Variants in DPH5 observed in about 807,000 individuals in gnomAD.
DPH5 encodes diphthine methyl ester synthase.
Under a neutral mutation model 31.6 loss-of-function variants are expected in DPH5, and 31 were observed. The observed-to-expected ratio is 0.98, with a 90% CI of 0.74 to 1.32. The LOEUF is 1.32. DPH5 is among the 40% of genes most tolerant of loss of function. The probability of loss-of-function intolerance (pLI) is 0.00; values close to 1 mark genes in which losing one functional copy is unlikely to be tolerated. For synonymous variants in DPH5, 120 were observed against 115.0 expected, an observed-to-expected ratio of 1.04 and a Z score of -0.28; for missense variants, 309 against 335.7, an observed-to-expected ratio of 0.92 and a Z score of 0.62.
In DPH5 at chr1:100,992,833, C is replaced by A. The variant is rs995206904; in HGVS notation, c.531-93G>T. On this transcript the variant is annotated intron_variant, in intron 6 of 7. Transcript: ENST00000370109. Reference sequence around the variant, plus strand: ...TAGCTCTCCCAGGTATACTCAAGTACCACAGTCTACATTCTGTTTGATGTT... The same window carrying A: ...TAGCTCTCCCAGGTATACTCAAGTAACACAGTCTACATTCTGTTTGATGTT... The A allele has an allele frequency of 6.5e-6, 5 of 767,962 alleles. No individual in the cohort carries two copies. In the African/African-American group the frequency reaches 8.6e-5, roughly 13 times the overall value. 47.6% of individuals were successfully genotyped at this position (767,962 alleles called of 1,614,324 possible).
intron 4 of DPH5, among the ~76,000 whole-genome samples, chr1:101,008,444 A>G (rs900739084): frequency 6.6e-6 from 1 of 152,268 alleles, no homozygotes; most frequent in African/African-American, 2.4e-5. Context: ...TCCAGAGAAG[A>G]TGACGCCTTA....
Position 101,025,727 on chromosome 1 carries a change from T to G in DPH5, c.-68A>C. 2.7e-6 allele frequency: 1 copy of G among 364,476 alleles called. No homozygotes were observed. Among genetic ancestry groups the G allele is most frequent in the Non-Finnish European group, 5.0e-6 (1 of 199,376 alleles). 22.6% of individuals were successfully genotyped at this position (364,476 alleles called of 1,614,324 possible). A position where few individuals can be genotyped will look rare whatever the true frequency, so the allele number is the denominator to read the frequency against. On this transcript the variant is annotated 5_prime_UTR_variant, in exon 1 of 8. Transcript: ENST00000370109. ...TAGTTCTCTGGCCTTTACAAATTCT[T>G]AACTACCACCTTTCCGCAGAAGCAA...
At chr1:101,025,622 G>A (rs1660772300) in intron 1 of DPH5, 61 bp downstream of exon 1, 2 of 709,138 alleles carry the variant, frequency 2.8e-6, no homozygotes, top group East Asian at 2.8e-5. Flanking sequence ...TGGGATAAGA[G>A]GTTTTAAACA....
chr1:101,012,612 G>C (rs376805399), intron 4 of DPH5, among the ~76,000 whole-genome samples: 8 of 152,070 alleles, frequency 5.3e-5, no homozygotes, highest in South Asian at 2.1e-4. Context: ...TGTTCAGAAG[G>C]GTTTCAAAAT....
chr1:101,009,126 C>G (rs1659455284), intron 4 of DPH5, among the ~76,000 whole-genome samples: 2 of 152,124 alleles, frequency 1.3e-5, no homozygotes, highest in Non-Finnish European at 2.9e-5. Context: ...TAACTCTTCC[C>G]AAGACATTAG....
In DPH5 at chr1:100,993,598, A is replaced by ATATATATATATG. The variant is rs71084858; in HGVS notation, c.531-859_531-858insCATATATATATA. ...TATATATATATATATATATATATAT[A>ATATATATATATG]GCTATTGTGGCTTACAACACAGTTC... is the stretch of plus-strand genomic sequence containing the variant. On this transcript the variant is annotated intron_variant, in intron 6 of 7. Transcript: ENST00000370109. 7.8e-5 allele frequency among the ~76,000 whole-genome samples: 10 copies of ATATATATATATG among 128,236 alleles called. No individual in the cohort carries two copies. The East Asian group carries it at 2.0e-3, about 26-fold the overall frequency. 84.1% of individuals were successfully genotyped at this position (128,236 alleles called of 152,430 possible).
At chr1:100,991,674 A>G (rs1657725165) in intron 7 of DPH5, among the ~76,000 whole-genome samples, 1 of 150,484 alleles carries the variant, frequency 6.6e-6, no homozygotes, top group South Asian at 2.1e-4. Context: ...CTGTAGTCCC[A>G]GCTACTCAAG....
chr1:101,021,562 G>T, intron 3 of DPH5, 79 bp downstream of exon 3: 1 of 1,447,214 alleles, frequency 6.9e-7, no homozygotes, highest in Non-Finnish European at 9.4e-7. Flanking sequence ...AGGTAAAAGT[G>T]TTAAATGCAA....
intron 4 of DPH5, among the ~76,000 whole-genome samples, chr1:101,009,349 T>C (rs1659467581): frequency 6.6e-6 from 1 of 152,156 alleles, no homozygotes; most frequent in African/African-American, 2.4e-5. Context: ...GCAGTAGTAA[T>C]AGAAGAATCC....
chr1:101,016,170 C>T (rs912024288), intron 3 of DPH5, among the ~76,000 whole-genome samples: 1 of 151,888 alleles, frequency 6.6e-6, no homozygotes, highest in Non-Finnish European at 1.5e-5. Flanking sequence ...CTGACCAACA[C>T]GGTGAAACCC....
intron 7 of DPH5, among the ~76,000 whole-genome samples, chr1:100,991,283 AAAG>A (rs1657676861): frequency 6.6e-6 from 1 of 152,206 alleles, no homozygotes; most frequent in Non-Finnish European, 1.5e-5. Context: ...TGCTACAGCT[AAAG>A]AGCTGACCCT....
At chr1:101,010,050 T>C (rs1046211385) in intron 4 of DPH5, among the ~76,000 whole-genome samples, 19 of 152,242 alleles carry the variant, frequency 1.2e-4, no homozygotes, top group African/African-American at 4.6e-4. Flanking sequence ...TTGAATTTCT[T>C]ATGCTTACCA....
At chr1:100,992,490 G>A (rs1336766365) in intron 7 of DPH5, 147 bp downstream of exon 7, 2 of 540,536 alleles carry the variant, frequency 3.7e-6, no homozygotes, top group Non-Finnish European at 6.1e-6. Flanking sequence ...TGGGATTTAA[G>A]TTAAAGTTGG....
chr1:101,013,610 G>T, intron 4 of DPH5, 100 bp downstream of exon 4: 1 of 857,150 alleles, frequency 1.2e-6, no homozygotes. Context: ...ATAGTAGTAT[G>T]TTTTATGATT....
chr1:100,992,696 TGGTTTACACTCATATACCGTGGA>T lies in DPH5; in HGVS notation c.552_574del (p.Pro185SerfsTer84). On this transcript the variant is annotated frameshift_variant, in exon 7 of 8. Coordinates refer to ENST00000370109, the MANE Select transcript of DPH5 (RefSeq NM_015958.3). LOFTEE classifies it high-confidence loss of function. ...AATCTCCAGAAGCTGCTGGGCTGCT[TGGTTTACACTCATATACCGTGGA>T]GGTTCATAGATCTTCCTTCCCCTAT... 1.2e-6 allele frequency: 2 copies of T among 1,613,984 alleles called. No individual in the cohort carries two copies. Among genetic ancestry groups the T allele is most frequent in the Non-Finnish European group, 1.7e-6 (2 of 1,179,928 alleles).
chr1:101,016,069 T>A (rs1660052896), intron 3 of DPH5, among the ~76,000 whole-genome samples: 1 of 152,156 alleles, frequency 6.6e-6, no homozygotes, highest in Non-Finnish European at 1.5e-5. Context: ...TTAAGAACTT[T>A]TCCAGCCAGG....
intron 4 of DPH5, among the ~76,000 whole-genome samples, chr1:101,012,693 T>TC (rs1250421179): frequency 2.0e-5 from 3 of 152,206 alleles, no homozygotes; most frequent in Non-Finnish European, 4.4e-5. Flanking sequence ...ATAGCAAAAT[T>TC]CCATGCTAAT....
chr1:100,990,686 ACAGT>A, intron 7 of DPH5, 55 bp from the exon 8 acceptor site: 1 of 1,535,290 alleles, frequency 6.5e-7, no homozygotes, highest in South Asian at 1.1e-5. Context: ...CATCCATCCA[ACAGT>A]CAAACAAACA....
At position 100,993,469 on chromosome 1, in the gene DPH5, T is replaced by C. The variant is rs572480162; in HGVS notation, c.531-729A>G. 6.0e-5 allele frequency among the ~76,000 whole-genome samples: 9 copies of C among 149,476 alleles called. No homozygotes were observed. In the East Asian group the frequency reaches 1.6e-3, roughly 26 times the overall value. On this transcript the variant is annotated intron_variant, in intron 6 of 7. Transcript: ENST00000370109. ...CAGAAGACTGAGACAGGAGAATCAA[T>C]TGAACCCGGGAGACGGAGGTTGCAG...
Sources: allele counts gnomAD v4.1 joint callset (sites outside exome capture counted in the v4.1 genomes callset), GRCh38; gene constraint gnomAD v4.1.1; transcripts MANE v1.5; gene names NCBI Gene and HGNC (gene_info 2026-07-23, HGNC 2026-07-21).